ABHD17C: variants seen among roughly 807,000 people sequenced by gnomAD.
The protein encoded by ABHD17C is alpha/beta hydrolase domain-containing protein 17C.
Under a neutral mutation model 27.9 loss-of-function variants are expected in ABHD17C, and 11 were observed. The ratio of observed to expected loss-of-function variants is 0.39; its 90% confidence interval spans 0.25 to 0.65. The LOEUF (loss-of-function observed/expected upper bound fraction) is 0.65, where lower values mean the gene tolerates loss of function less well. Among genes scored for constraint, ABHD17C ranks in the 30% least tolerant of loss-of-function variants. The pLI, the probability that ABHD17C is intolerant of heterozygous loss-of-function variation, is 0.45. For synonymous variants in ABHD17C, 233 were observed against 209.1 expected (o/e 1.11, Z -0.98); for missense variants, 280 against 470.2 (o/e 0.60, Z 3.74).
chr15:80,718,249 A>T (rs1025489474), intron 1 of ABHD17C, among the ~76,000 whole-genome samples: 6 of 150,074 alleles, frequency 4.0e-5, no homozygotes, highest in African/African-American at 9.8e-5. Flanking sequence ...CTTGTAGTTT[A>T]TTTTTTTTTT....
chr15:80,718,463 G>C (rs111584537), intron 1 of ABHD17C, among the ~76,000 whole-genome samples: 1,716 of 152,212 alleles, frequency 0.011, 31 homozygotes, highest in African/African-American at 0.039. Context: ...CTCTGGAGTA[G>C]CTGGGATTAC....
In ABHD17C at chr15:80,749,589, A is replaced by C; in HGVS notation, c.667A>C (p.Arg223=). 1 of 1,613,858 alleles carries C rather than the reference A, an allele frequency of 6.2e-7. No individual in the cohort carries two copies. The highest frequency in any genetic ancestry group is 8.5e-7 in the Non-Finnish European group (1 of 1,179,852). The change falls in exon 2 of 3, where the codon AGG becomes CGG. Residue 223 remains arginine (R), a synonymous_variant. Coordinates refer to ENST00000258884, the MANE Select transcript of ABHD17C (RefSeq NM_021214.2). The stretch of plus-strand genomic sequence containing the variant: ...TGTCCCCACGGTAGACTTGGCCTCG[A>C]GGTATGAATGCGCAGCGGTAATTCT... ...GTVPTVDLAS[R]YECAAVILHS... is the part of the protein sequence containing the mutation.
chr15:80,729,134 A>G (rs1022743550), intron 1 of ABHD17C, among the ~76,000 whole-genome samples: 5 of 152,206 alleles, frequency 3.3e-5, no homozygotes, highest in African/African-American at 1.2e-4. Flanking sequence ...CCAAAGGTGC[A>G]TTGTGGGTGC....
At chr15:80,714,753 C>A (rs1894780464) in intron 1 of ABHD17C, among the ~76,000 whole-genome samples, 1 of 152,164 alleles carries the variant, frequency 6.6e-6, no homozygotes, top group African/African-American at 2.4e-5. Flanking sequence ...CACCTGCTCT[C>A]ATTTTTATGG....
chr15:80,718,042 ATAGT>A (rs950131161), intron 1 of ABHD17C, among the ~76,000 whole-genome samples: 7 of 152,128 alleles, frequency 4.6e-5, no homozygotes, highest in African/African-American at 1.2e-4. Flanking sequence ...AAATAAATAA[ATAGT>A]TAAATAAAAA....
intron 1 of ABHD17C, among the ~76,000 whole-genome samples, chr15:80,713,711 A>G (rs1343004877): frequency 6.6e-6 from 1 of 152,034 alleles, no homozygotes; most frequent in Non-Finnish European, 1.5e-5. Context: ...CGGGAGGCTG[A>G]GGCACGAGAA....
intron 1 of ABHD17C, among the ~76,000 whole-genome samples, chr15:80,715,300 G>C (rs1348625614): frequency 2.6e-5 from 4 of 152,200 alleles, no homozygotes; most frequent in Non-Finnish European, 4.4e-5. Context: ...TGTTGATTCT[G>C]ATCAGAGGAA....
At chr15:80,748,703 G>A (rs1386008692) in intron 1 of ABHD17C, among the ~76,000 whole-genome samples, 2 of 140,936 alleles carry the variant, frequency 1.4e-5, no homozygotes, top group East Asian at 2.3e-4. Flanking sequence ...CTAGGGTGCC[G>A]CATCCTTCTG....
At chr15:80,724,069 G>C (rs575439012) in intron 1 of ABHD17C, among the ~76,000 whole-genome samples, 16 of 152,072 alleles carry the variant, frequency 1.1e-4, no homozygotes, top group African/African-American at 3.4e-4. Flanking sequence ...TGGGTGTGGT[G>C]GTGGACACCT....
intron 1 of ABHD17C, among the ~76,000 whole-genome samples, chr15:80,723,627 A>T (rs139640935): frequency 2.0e-4 from 30 of 152,354 alleles, no homozygotes; most frequent in African/African-American, 6.7e-4. Context: ...TAGTTTATTA[A>T]CTTACAATGA....
At chr15:80,706,425 CAG>C (rs539938030) in intron 1 of ABHD17C, among the ~76,000 whole-genome samples, 73 of 152,278 alleles carry the variant, frequency 4.8e-4, no homozygotes, top group Non-Finnish European at 9.7e-4. Context: ...TACTTGTTAA[CAG>C]AGTACTGTTT....
At chr15:80,729,777 A>G (rs1895032279) in intron 1 of ABHD17C, among the ~76,000 whole-genome samples, 2 of 152,176 alleles carry the variant, frequency 1.3e-5, no homozygotes, top group South Asian at 4.1e-4. Flanking sequence ...GTGGAATTTT[A>G]GAGAGACAGG....
intron 1 of ABHD17C, among the ~76,000 whole-genome samples, chr15:80,698,083 G>A (rs1381552183): frequency 1.7e-5 from 1 of 60,200 alleles, no homozygotes; most frequent in Admixed American, 1.8e-4. Context: ...TTTTTTTTTT[G>A]AGACGGAGTC....
intron 1 of ABHD17C, among the ~76,000 whole-genome samples, chr15:80,697,482 A>G (rs1446987745): frequency 1.3e-5 from 2 of 152,210 alleles, no homozygotes; most frequent in Admixed American, 6.5e-5. Flanking sequence ...TAGATTTTTT[A>G]ATTGAAGAGT....
chr15:80,751,627 A>T (rs1201849414), intron 2 of ABHD17C, among the ~76,000 whole-genome samples: 2 of 152,212 alleles, frequency 1.3e-5, no homozygotes. Flanking sequence ...ACACATCTGT[A>T]GTCCCAGCTC....
intron 1 of ABHD17C, among the ~76,000 whole-genome samples, chr15:80,712,503 A>G (rs970024678): frequency 6.6e-6 from 1 of 152,226 alleles, no homozygotes; most frequent in African/African-American, 2.4e-5. Context: ...GGACTTCTGT[A>G]TAGAAGACAA....
At chr15:80,697,247 A>C (rs2141486546) in intron 1 of ABHD17C, among the ~76,000 whole-genome samples, 1 of 152,234 alleles carries the variant, frequency 6.6e-6, no homozygotes, top group African/African-American at 2.4e-5. Flanking sequence ...CCTCATTGGG[A>C]TTATAGCTTT....
At chr15:80,712,080 A>G (rs1170010386) in intron 1 of ABHD17C, among the ~76,000 whole-genome samples, 2 of 152,110 alleles carry the variant, frequency 1.3e-5, no homozygotes, top group Non-Finnish European at 2.9e-5. Flanking sequence ...CTCTGTCCCC[A>G]TAGTTCTAAG....
At chr15:80,700,629 G>A (rs866660224) in intron 1 of ABHD17C, among the ~76,000 whole-genome samples, 6 of 152,044 alleles carry the variant, frequency 3.9e-5, no homozygotes, top group African/African-American at 9.7e-5. Context: ...TGGGTGTGGC[G>A]GCTCATACCT....
Sources: allele counts gnomAD v4.1 joint callset (sites outside exome capture counted in the v4.1 genomes callset), GRCh38; gene constraint gnomAD v4.1.1; transcripts MANE v1.5; gene names NCBI Gene and HGNC (gene_info 2026-07-23, HGNC 2026-07-21).